Variants in EHD4 observed in about 807,000 individuals in gnomAD.
EHD4 encodes the protein EH domain-containing protein 4.
EHD4 carries 37 observed loss-of-function variants against 51.0 expected under a neutral mutation model. The observed-to-expected ratio is 0.73, with a 90% CI of 0.56 to 0.95. The LOEUF (loss-of-function observed/expected upper bound fraction) is 0.95, where lower values mean the gene tolerates loss of function less well. Ranked by LOEUF, EHD4 falls within the 40% of genes least tolerant of loss-of-function variation. The probability of loss-of-function intolerance (pLI) is 0.00; values close to 1 mark genes in which losing one functional copy is unlikely to be tolerated. For synonymous variants in EHD4, 297 were observed against 317.3 expected, an observed-to-expected ratio of 0.94 and a Z score of 0.68; for missense variants, 632 against 733.1, an observed-to-expected ratio of 0.86 and a Z score of 1.59.
Position 41,919,632 on chromosome 15 carries a change from G to C in EHD4, c.512-10C>G. 3 of 1,508,856 alleles carry C rather than the reference G, an allele frequency of 2.0e-6. No homozygotes were observed. Among genetic ancestry groups the C allele is most frequent in the South Asian group, 1.4e-5 (1 of 72,870 alleles). The allele number at this position is 1,508,856 out of a possible 1,614,324, so 93.5% of individuals were successfully genotyped here. On this transcript the variant is annotated splice_polypyrimidine_tract_variant and intron_variant, in intron 3 of 5. Coordinates refer to ENST00000220325, the MANE Select transcript of EHD4 (RefSeq NM_139265.4). ...TGGCAGAAGTCATAGCCTGGGTGGA[G>C]AGAAGGACACGTCAGTGTAGCCACT...
chr15:41,919,116 C>A lies in EHD4; in HGVS notation c.924+94G>T, dbSNP rs1039800554. The A allele has an allele frequency of 2.0e-5, 30 of 1,524,908 alleles. No individual in the cohort carries two copies. In the South Asian group the frequency reaches 3.4e-4, roughly 17 times the overall value. The allele number at this position is 1,524,908 out of a possible 1,614,324, so 94.5% of individuals were successfully genotyped here. A position where few individuals can be genotyped will look rare whatever the true frequency, so the allele number is the denominator to read the frequency against. On this transcript the variant is annotated intron_variant, in intron 4 of 5. Coordinates refer to ENST00000220325, the MANE Select transcript of EHD4 (RefSeq NM_139265.4). ...AGCGCATGTTCATTCCTTAAGCCTT[C>A]TGGAACGAAGCCTCCTCCCACCCAT...
At chr15:41,913,864 T>G (rs1230304626) in intron 4 of EHD4, among the ~76,000 whole-genome samples, 1 of 152,228 alleles carries the variant, frequency 6.6e-6, no homozygotes, top group East Asian at 1.9e-4. Context: ...GCAGAAGCCC[T>G]AAGGCATCTA....
chr15:41,947,762 C>T (rs1438008952), intron 2 of EHD4, among the ~76,000 whole-genome samples: 1 of 152,176 alleles, frequency 6.6e-6, no homozygotes, highest in Non-Finnish European at 1.5e-5. Context: ...AAACTAATTA[C>T]CACTTTTAAA....
chr15:41,936,453 C>CTAT (rs1179779052), intron 3 of EHD4, among the ~76,000 whole-genome samples: 1 of 152,044 alleles, frequency 6.6e-6, no homozygotes, highest in African/African-American at 2.4e-5. Flanking sequence ...AGAGTATTAG[C>CTAT]TATTATTATT....
intron 3 of EHD4, among the ~76,000 whole-genome samples, chr15:41,933,691 G>GC (rs1263238613): frequency 6.6e-6 from 1 of 152,184 alleles, no homozygotes; most frequent in Non-Finnish European, 1.5e-5. Context: ...ACCACCTCTA[G>GC]CAACAGGGAT....
Position 41,919,462 on chromosome 15 carries a change from G to A in EHD4, c.672C>T (p.Ala224=), listed in dbSNP as rs1245129217. 3.8e-6 allele frequency: 6 copies of A among 1,569,928 alleles called. No homozygotes were observed. Among genetic ancestry groups the A allele is most frequent in the Middle Eastern group, 1.7e-4 (1 of 5,862 alleles). The change falls in exon 4 of 6, where the codon GCC becomes GCT. Residue 224 remains alanine, a synonymous_variant. Transcript: ENST00000220325. ...DDKIRVVLNK[A]DQVDTQQLMR... ...TCAGCTGCTGCGTGTCCACTTGGTC[G>A]GCCTTGTTCAGCACGACACGGATCT...
At chr15:41,959,225 T>C (rs1431400935) in intron 1 of EHD4, among the ~76,000 whole-genome samples, 1 of 151,848 alleles carries the variant, frequency 6.6e-6, no homozygotes, top group African/African-American at 2.4e-5. Context: ...ACCCCGTCTC[T>C]ACTAAAAATA....
At chr15:41,925,499 T>C (rs2067655268) in intron 3 of EHD4, among the ~76,000 whole-genome samples, 1 of 152,160 alleles carries the variant, frequency 6.6e-6, no homozygotes, top group African/African-American at 2.4e-5. Context: ...CATGTACTAG[T>C]GTGTGTTGTG....
At chr15:41,950,135 T>C (rs974917123) in intron 2 of EHD4, among the ~76,000 whole-genome samples, 10 of 152,260 alleles carry the variant, frequency 6.6e-5, no homozygotes, top group Admixed American at 6.5e-4. Context: ...GGAATTTCTC[T>C]AATATAAACC....
chr15:41,949,938 G>T (rs1047865297), intron 2 of EHD4, among the ~76,000 whole-genome samples: 1 of 152,138 alleles, frequency 6.6e-6, no homozygotes, highest in Non-Finnish European at 1.5e-5. Context: ...CTCCTCCTCT[G>T]TGAGGGGCAA....
chr15:41,937,621 T>C (rs1388639013), intron 3 of EHD4, among the ~76,000 whole-genome samples: 1 of 152,228 alleles, frequency 6.6e-6, no homozygotes, highest in East Asian at 1.9e-4. Flanking sequence ...CTCAAATCCT[T>C]CTTGTTACCA....
chr15:41,900,611 C>T lies in EHD4; in HGVS notation c.*34G>A, dbSNP rs531962895. On this transcript the variant is annotated 3_prime_UTR_variant, in exon 6 of 6. Transcript: ENST00000220325. This position sits in a 1 kb window ranked among gnomAD's most constrained non-coding sequence, Gnocchi z 4.8. ...GGTGGAGCAGGCCTGAGGCCCAGGT[C>T]CCCCAGTTCCCACCCCGTTCTGCAG... 61 of 1,528,856 alleles carry T rather than the reference C, an allele frequency of 4.0e-5. 1 individual carries two copies. The South Asian group carries it at 5.6e-4, about 14-fold the overall frequency. 94.7% of individuals were successfully genotyped at this position (1,528,856 alleles called of 1,614,324 possible).
chr15:41,951,108 C>G (rs912430791), intron 2 of EHD4, among the ~76,000 whole-genome samples: 72 of 152,160 alleles, frequency 4.7e-4, no homozygotes, highest in African/African-American at 1.6e-3. Flanking sequence ...GGCCTGGGTT[C>G]CAGTCCCAGC....
At chr15:41,933,906 C>A (rs1216383058) in intron 3 of EHD4, among the ~76,000 whole-genome samples, 1 of 152,182 alleles carries the variant, frequency 6.6e-6, no homozygotes, top group Admixed American at 6.5e-5. Flanking sequence ...CACGCCCTCC[C>A]TGTCAGACGC....
intron 2 of EHD4, among the ~76,000 whole-genome samples, chr15:41,953,512 C>T (rs2067866558): frequency 6.6e-6 from 1 of 152,190 alleles, no homozygotes; most frequent in African/African-American, 2.4e-5. Context: ...AGCCACACAC[C>T]TGGCCCTGTG....
intron 5 of EHD4, among the ~76,000 whole-genome samples, chr15:41,901,420 A>C (rs972026353): frequency 6.6e-6 from 1 of 152,252 alleles, no homozygotes; most frequent in African/African-American, 2.4e-5. Context: ...CATGAGCGAC[A>C]GCAACCTCCG....
At position 41,901,128 on chromosome 15, in the gene EHD4, C is replaced by T. The variant is rs1203143314; in HGVS notation, c.1143G>A (p.Leu381=). ...TCAGCATGTTGTCCACTGCCTCGAT[C>T]AGCTTGGGCTTCAGCGAGTGGAATT... is the stretch of plus-strand genomic sequence containing the variant. The part of the protein sequence containing the change: ...FTKFHSLKPK[L]IEAVDNMLSN... Residue 381 remains leucine, a synonymous_variant, in exon 6 of 6, where the codon CTG becomes CTA. Coordinates refer to ENST00000220325, the MANE Select transcript of EHD4 (RefSeq NM_139265.4). 6.3e-7 allele frequency: 1 copy of T among 1,592,062 alleles called. No homozygotes were observed. Among genetic ancestry groups the T allele is most frequent in the Admixed American group, 1.8e-5 (1 of 55,396 alleles).
chr15:41,910,781 C>G (rs1201944931), intron 4 of EHD4, among the ~76,000 whole-genome samples: 1 of 152,142 alleles, frequency 6.6e-6, no homozygotes, highest in South Asian at 2.1e-4. Context: ...GTTGGCCAGG[C>G]TGGTCTCGAA....
In EHD4 at chr15:41,943,089, C is replaced by T; in HGVS notation, c.489G>A (p.Gly163=). Residue 163 remains glycine, a synonymous_variant, in exon 3 of 6, where the codon GGG becomes GGA. Coordinates refer to ENST00000220325, the MANE Select transcript of EHD4 (RefSeq NM_139265.4). ...SVIDSPGILS[G]EKQRISRGYD... ...GACCTCGGCTGATGCGCTGCTTCTC[C>T]CCAGAAAGGATGCCGGGGCTGTCGA... 6.3e-7 allele frequency: 1 copy of T among 1,584,176 alleles called. No individual in the cohort carries two copies. Among genetic ancestry groups the T allele is most frequent in the Non-Finnish European group, 8.6e-7 (1 of 1,164,910 alleles).
Sources: allele counts gnomAD v4.1 joint callset (sites outside exome capture counted in the v4.1 genomes callset), GRCh38; gene constraint gnomAD v4.1.1; non-coding constraint Gnocchi (gnomAD v3.1); transcripts MANE v1.5; gene names NCBI Gene and HGNC (gene_info 2026-07-23, HGNC 2026-07-21).